SDCCAG8: variants seen among roughly 807,000 people sequenced by gnomAD.
The protein encoded by SDCCAG8 is serologically defined colon cancer antigen 8.
Under a neutral mutation model 101.8 loss-of-function variants are expected in SDCCAG8, and 74 were observed. The observed-to-expected ratio is 0.73, with a 90% CI of 0.60 to 0.88. The LOEUF is 0.88. Ranked by LOEUF, SDCCAG8 falls within the 40% of genes least tolerant of loss-of-function variation. The pLI is 0.00. For synonymous variants in SDCCAG8, 281 were observed against 292.9 expected, an observed-to-expected ratio of 0.96 and a Z score of 0.41; for missense variants, 787 against 822.6, an observed-to-expected ratio of 0.96 and a Z score of 0.53.
chr1:243,474,359 G>A lies in SDCCAG8; in HGVS notation c.1986-14655G>A, dbSNP rs1175141556. Among the ~76,000 whole-genome samples, 1 of 152,166 alleles carries A rather than the reference G, an allele frequency of 6.6e-6. No homozygotes were observed. The highest frequency in any genetic ancestry group is 2.4e-5 in the African/African-American group (1 of 41,452). On this transcript the variant is annotated intron_variant, in intron 16 of 17. Transcript: ENST00000366541. This position sits in a 1 kb window ranked among gnomAD's most constrained non-coding sequence, Gnocchi z 4.7. ...CCTGCGAGCCCCCGTGGAGTCGCCTGAGCCAGATGCTCCGCACCCAGCCTC... is the reference window on the plus strand; with the variant it reads ...CCTGCGAGCCCCCGTGGAGTCGCCTAAGCCAGATGCTCCGCACCCAGCCTC...
chr1:243,417,987 G>A lies in SDCCAG8; in HGVS notation c.1764G>A (p.Leu588=), dbSNP rs758498800. The A allele has an allele frequency of 6.2e-7, 1 of 1,611,490 alleles. No homozygotes were observed. The highest frequency in any genetic ancestry group is 1.7e-5 in the Admixed American group (1 of 59,962). ...HDKTENEQYL[L]LTSQNTFLTK... ...TTCTAGAAAATGAACAGTATTTGTT[G>A]CTGACCTCCCAGAATACATTTTTGA... Residue 588 remains leucine, a synonymous_variant, in exon 15 of 18, where the codon TTG becomes TTA. Coordinates refer to ENST00000366541, the MANE Select transcript of SDCCAG8 (RefSeq NM_006642.5).
At chr1:243,413,888 G>A (rs903262209) in intron 13 of SDCCAG8, among the ~76,000 whole-genome samples, 2 of 152,038 alleles carry the variant, frequency 1.3e-5, no homozygotes, top group Non-Finnish European at 2.9e-5. Context: ...TTTCTAACAC[G>A]TCTGAAAAGT....
At chr1:243,411,799 G>A (rs2080200814) in intron 13 of SDCCAG8, among the ~76,000 whole-genome samples, 1 of 152,194 alleles carries the variant, frequency 6.6e-6, no homozygotes, top group African/African-American at 2.4e-5. Context: ...GCCATGGTTA[G>A]ACTATACCAC....
chr1:243,394,708 C>T lies in SDCCAG8; in HGVS notation c.1616+15845C>T, dbSNP rs1006318028. Among the ~76,000 whole-genome samples, 6 of 152,172 alleles carry T rather than the reference C, an allele frequency of 3.9e-5. No individual in the cohort carries two copies. In the South Asian group the frequency reaches 6.2e-4, roughly 16 times the overall value. On this transcript the variant is annotated intron_variant, in intron 13 of 17. Coordinates refer to ENST00000366541, the MANE Select transcript of SDCCAG8 (RefSeq NM_006642.5). ...TTTAAATATTTTACCTTCCATCCTA[C>T]GTCCATATGCTGTTTTAGGAAAACT...
chr1:243,330,841 C>A, intron 10 of SDCCAG8, 149 bp downstream of exon 10: 1 of 738,210 alleles, frequency 1.4e-6, no homozygotes, highest in Non-Finnish European at 2.2e-6. Context: ...ATTTAGAATT[C>A]ATAAAAATGT....
chr1:243,286,216 A>T, intron 4 of SDCCAG8, 56 bp from the exon 5 acceptor site: 1 of 1,565,668 alleles, frequency 6.4e-7, no homozygotes, highest in Non-Finnish European at 8.8e-7. Flanking sequence ...TCTAATAATC[A>T]ACAAATAAAA....
At chr1:243,321,805 C>T (rs1020611902) in intron 9 of SDCCAG8, among the ~76,000 whole-genome samples, 4 of 152,146 alleles carry the variant, frequency 2.6e-5, no homozygotes, top group African/African-American at 4.8e-5. Context: ...TGCACCATCA[C>T]GCCTGGCTAA....
rs2080608465 is a variant in SDCCAG8, at chr1:243,416,694, T to A, written c.1744+865T>A. On this transcript the variant is annotated intron_variant, in intron 14 of 17. Coordinates refer to ENST00000366541, the MANE Select transcript of SDCCAG8 (RefSeq NM_006642.5). This position sits in a 1 kb window ranked among gnomAD's most constrained non-coding sequence, Gnocchi z 4.3. The stretch of plus-strand genomic sequence containing the variant: ...TTTGATTTGTTCAGTCAGAGCATTA[T>A]GTAGTTTCTTTCACTTTTGAGTTGT... 6.6e-6 allele frequency among the ~76,000 whole-genome samples: 1 copy of A among 152,222 alleles called. No homozygotes were observed. The highest frequency in any genetic ancestry group is 2.4e-5 in the African/African-American group (1 of 41,466).
chr1:243,267,932 A>C, intron 1 of SDCCAG8: 1 of 818,174 alleles, frequency 1.2e-6, no homozygotes, highest in Non-Finnish European at 2.2e-6. Flanking sequence ...AGGTGGGCCC[A>C]GCTGTGTATT....
chr1:243,434,162 A>G (rs1330979826), intron 16 of SDCCAG8, among the ~76,000 whole-genome samples: 1 of 152,218 alleles, frequency 6.6e-6, no homozygotes, highest in Non-Finnish European at 1.5e-5. Context: ...GCAGTATTGC[A>G]TACTTGCATC....
chr1:243,303,119 A>C (rs140190106), intron 6 of SDCCAG8, among the ~76,000 whole-genome samples: 126 of 152,344 alleles, frequency 8.3e-4, no homozygotes, highest in African/African-American at 2.5e-3. Flanking sequence ...TAGACACCAC[A>C]CAAAGGACTT....
In SDCCAG8 at chr1:243,489,174, T is replaced by C. The variant is rs568101409; in HGVS notation, c.2112+34T>C. The C allele has an allele frequency of 1.7e-5, 27 of 1,607,680 alleles. No homozygotes were observed. The African/African-American group carries it at 2.8e-4, about 17-fold the overall frequency. ...CAGAACGCGGCGCAGGTGGGAGTCC[T>C]TGGGCGGGCGTCTACAGGTGGATCT... On this transcript the variant is annotated intron_variant, in intron 17 of 17. Transcript: ENST00000366541.
At chr1:243,264,459 A>G (rs1404209699) in intron 1 of SDCCAG8, among the ~76,000 whole-genome samples, 1 of 152,130 alleles carries the variant, frequency 6.6e-6, no homozygotes, top group East Asian at 1.9e-4. Flanking sequence ...TACCAAAAAT[A>G]CAAAATTACC....
intron 9 of SDCCAG8, among the ~76,000 whole-genome samples, chr1:243,317,319 A>ATTTT (rs34669151): frequency 3.0e-5 from 4 of 133,580 alleles, no homozygotes; most frequent in Admixed American, 7.6e-5. Flanking sequence ...ATTTAGTAGC[A>ATTTT]TTTTTTTTTT....
chr1:243,457,446 A>C (rs2148146548), intron 16 of SDCCAG8, among the ~76,000 whole-genome samples: 1 of 152,336 alleles, frequency 6.6e-6, no homozygotes, highest in East Asian at 1.9e-4. Flanking sequence ...GTACAGAAAG[A>C]ATTCACCGTT....
chr1:243,317,133 T>C (rs1573234211), intron 9 of SDCCAG8, among the ~76,000 whole-genome samples: 1 of 152,170 alleles, frequency 6.6e-6, no homozygotes. Context: ...TATAATACTT[T>C]GAGAGACCTA....
intron 12 of SDCCAG8, among the ~76,000 whole-genome samples, chr1:243,345,615 C>T (rs1033246398): frequency 2.6e-5 from 4 of 151,946 alleles, no homozygotes; most frequent in Non-Finnish European, 5.9e-5. Flanking sequence ...TTTGGCCTTT[C>T]GTATTATTCT....
chr1:243,260,996 G>A (rs1286982826), intron 1 of SDCCAG8, among the ~76,000 whole-genome samples: 2 of 152,138 alleles, frequency 1.3e-5, no homozygotes, highest in Admixed American at 6.5e-5. Context: ...ACTGTAAAAC[G>A]AAAAGTTTGG....
At chr1:243,333,020 C>T (rs1435667061) in intron 10 of SDCCAG8, among the ~76,000 whole-genome samples, 1 of 152,252 alleles carries the variant, frequency 6.6e-6, no homozygotes, top group East Asian at 1.9e-4. Context: ...CTCTTATTCT[C>T]AGCAGAGAGC....
Sources: allele counts gnomAD v4.1 joint callset (sites outside exome capture counted in the v4.1 genomes callset), GRCh38; gene constraint gnomAD v4.1.1; non-coding constraint Gnocchi (gnomAD v3.1); transcripts MANE v1.5; gene names NCBI Gene and HGNC (gene_info 2026-07-23, HGNC 2026-07-21).